The following SLC28A1 variants were observed in gnomAD, a reference collection of about 807,000 sequenced individuals.
SLC28A1 encodes sodium/nucleoside cotransporter 1.
A neutral mutation model predicts 74.8 loss-of-function variants in SLC28A1; 64 were observed. The observed-to-expected ratio is 0.86, with a 90% confidence interval of 0.70 to 1.05. The LOEUF (loss-of-function observed/expected upper bound fraction) is 1.05. Among genes scored for constraint, SLC28A1 ranks in the 50% least tolerant of loss-of-function variants. SLC28A1 has a pLI of 0.00. For synonymous variants in SLC28A1, 359 were observed against 335.0 expected (o/e 1.07, Z -0.78); for missense variants, 828 against 822.8 (o/e 1.01, Z -0.08).
intron 9 of SLC28A1, among the ~76,000 whole-genome samples, chr15:84,916,966 T>C (rs1969186179): frequency 7.2e-6 from 1 of 139,334 alleles, no homozygotes; most frequent in African/African-American, 2.6e-5. Flanking sequence ...AGGCGGAGGC[T>C]GTAGTGAGCC....
chr15:84,918,527 C>G lies in SLC28A1; in HGVS notation c.799C>G (p.Leu267Val). Reference sequence around the variant, plus strand: ...CCTATGATCTCCTTCCCGGCAGGTTCTGCCCATCATTGTCTTTTTCAGCTG... The same window carrying G: ...CCTATGATCTCCTTCCCGGCAGGTTGTGCCCATCATTGTCTTTTTCAGCTG... ...LVKDVFAFQV[L>V]PIIVFFSCVI... is the part of the protein sequence containing the mutation. The change falls in exon 10 of 19, where the codon CTG (leucine) becomes GTG (valine). Residue 267 changes from leucine (L) to valine (V), a missense_variant. Coordinates refer to ENST00000394573, the MANE Select transcript of SLC28A1 (RefSeq NM_004213.5). 1 of 1,613,500 alleles carries G rather than the reference C, an allele frequency of 6.2e-7. No individual in the cohort carries two copies. The highest frequency in any genetic ancestry group is 1.1e-5 in the South Asian group (1 of 91,074).
chr15:84,887,518 T>TA, intron 2 of SLC28A1: 1 of 984,858 alleles, frequency 1.0e-6, no homozygotes, highest in Non-Finnish European at 1.2e-6. Flanking sequence ...ACCCAGTCTC[T>TA]AGAAAAAGGA....
chr15:84,892,581 T>A (rs567495102), intron 5 of SLC28A1, among the ~76,000 whole-genome samples: 3 of 152,350 alleles, frequency 2.0e-5, no homozygotes, highest in African/African-American at 7.2e-5. Flanking sequence ...CATTGAATGA[T>A]CCCTTGCAAT....
At position 84,895,582 on chromosome 15, in the gene SLC28A1, TG is replaced by T. The variant is rs1965909286; in HGVS notation, c.461+460del. 4 of 1,521,956 alleles carry T rather than the reference TG, an allele frequency of 2.6e-6. No homozygotes were observed. The Admixed American group carries it at 8.1e-5, about 31-fold the overall frequency. 94.3% of individuals were successfully genotyped at this position (1,521,956 alleles called of 1,614,324 possible). On this transcript the variant is annotated intron_variant, in intron 6 of 18. Coordinates refer to ENST00000394573, the MANE Select transcript of SLC28A1 (RefSeq NM_004213.5). Reference sequence around the variant, plus strand: ...CCTTGGACAACAGTTTGAGATCTGCTGCTTTTCAAACTGGATTCCTTGGAGC... The same window carrying T: ...CCTTGGACAACAGTTTGAGATCTGCTCTTTTCAAACTGGATTCCTTGGAGC...
chr15:84,896,867 G>A (rs1418767800), intron 6 of SLC28A1, among the ~76,000 whole-genome samples: 1 of 152,126 alleles, frequency 6.6e-6, no homozygotes, highest in Non-Finnish European at 1.5e-5. Context: ...AAAGAAACCA[G>A]TCTTAAAGAA....
chr15:84,923,090 A>ACG lies in SLC28A1; in HGVS notation c.958-895_958-894insCG, dbSNP rs1970037586. Among the ~76,000 whole-genome samples the ACG allele has an allele frequency of 3.3e-5, 5 of 152,260 alleles. No homozygotes were observed. In the South Asian group the frequency reaches 8.3e-4, roughly 25 times the overall value. On this transcript the variant is annotated intron_variant, in intron 11 of 18. Coordinates refer to ENST00000394573, the MANE Select transcript of SLC28A1 (RefSeq NM_004213.5). Reference sequence around the variant, plus strand: ...GTAGCTGGGATTACTGACATGTGTCAGCATGCCCGGCTAATTTTTGTATTT... The same window carrying ACG: ...GTAGCTGGGATTACTGACATGTGTCACGGCATGCCCGGCTAATTTTTGTATTT...
chr15:84,951,575 C>A, the SLC28A1 span, among the ~76,000 whole-genome samples: 5 of 151,994 alleles, frequency 3.3e-5, no homozygotes, highest in South Asian at 1.0e-3. Context: ...CTTATATGAG[C>A]CTGCTAGTAG....
chr15:84,914,930 C>T (rs968956054), intron 9 of SLC28A1, among the ~76,000 whole-genome samples: 81 of 152,216 alleles, frequency 5.3e-4, no homozygotes, highest in Non-Finnish European at 2.6e-4. Flanking sequence ...TACCATTCTC[C>T]GTCTCACAGA....
chr15:84,927,986 C>T (rs962177252), intron 12 of SLC28A1, among the ~76,000 whole-genome samples: 8 of 152,226 alleles, frequency 5.3e-5, no homozygotes, highest in African/African-American at 1.2e-4. Flanking sequence ...CCTTAGACAA[C>T]GAAAAGAATA....
At chr15:84,943,573 T>C in intron 16 of SLC28A1, 47 bp downstream of exon 16, 1 of 1,448,098 alleles carries the variant, frequency 6.9e-7, no homozygotes, top group Non-Finnish European at 9.7e-7. Context: ...GTCTGGGACT[T>C]GAACTTGCTC....
At chr15:84,965,533 G>A in the SLC28A1 span, among the ~76,000 whole-genome samples, 36 of 152,140 alleles carry the variant, frequency 2.4e-4, no homozygotes, top group Admixed American at 2.4e-3. Context: ...TGGCCACCCA[G>A]AATAAAATCA....
At chr15:84,960,203 T>C in the SLC28A1 span, among the ~76,000 whole-genome samples, 13 of 143,304 alleles carry the variant, frequency 9.1e-5, no homozygotes, top group East Asian at 8.5e-4. Context: ...ATACAGAACA[T>C]TTTCCACTCC....
At chr15:84,963,725 A>G in the SLC28A1 span, among the ~76,000 whole-genome samples, 1 of 152,214 alleles carries the variant, frequency 6.6e-6, no homozygotes, top group Non-Finnish European at 1.5e-5. Flanking sequence ...CATGCAGAGC[A>G]AGTGGGTGGT....
chr15:84,937,441 G>A (rs1972065447), intron 15 of SLC28A1, among the ~76,000 whole-genome samples: 2 of 152,180 alleles, frequency 1.3e-5, no homozygotes, highest in African/African-American at 4.8e-5. Flanking sequence ...ACAGCATCGG[G>A]TAGCTTCTTT....
chr15:84,965,039 CCA>C, the SLC28A1 span, among the ~76,000 whole-genome samples: 17,073 of 152,094 alleles, frequency 0.11, 1,193 homozygotes, highest in Admixed American at 0.22. Flanking sequence ...GGCTGTGTCC[CCA>C]CACCCAAATC....
rs369273412 is a variant in SLC28A1, at chr15:84,945,245, C to T, written c.*45C>T. 12 of 1,566,700 alleles carry T rather than the reference C, an allele frequency of 7.7e-6. No homozygotes were observed. The African/African-American group carries it at 9.5e-5, about 12-fold the overall frequency. On this transcript the variant is annotated 3_prime_UTR_variant, in exon 19 of 19. Transcript: ENST00000394573. ...TTCTGCGCTTCTGAGGGCTGTTCTCCCCCGGGAACCATCTGTCCCCACCTT... is the reference window on the plus strand; with the variant it reads ...TTCTGCGCTTCTGAGGGCTGTTCTCTCCCGGGAACCATCTGTCCCCACCTT...
the SLC28A1 span, among the ~76,000 whole-genome samples, chr15:84,971,599 C>T: frequency 6.6e-6 from 1 of 152,118 alleles, no homozygotes; most frequent in Non-Finnish European, 1.5e-5. Flanking sequence ...GCTTCTTGTA[C>T]AGCCTGCAGA....
At chr15:84,939,999 C>T (rs571403634) in intron 15 of SLC28A1, among the ~76,000 whole-genome samples, 37 of 152,130 alleles carry the variant, frequency 2.4e-4, no homozygotes, top group Non-Finnish European at 4.4e-4. Flanking sequence ...AACTAACCTT[C>T]GCATTTTTTG....
At chr15:84,910,013 C>G (rs1325305432) in intron 9 of SLC28A1, among the ~76,000 whole-genome samples, 1 of 152,246 alleles carries the variant, frequency 6.6e-6, no homozygotes, top group Non-Finnish European at 1.5e-5. Flanking sequence ...TGAGTTCAGA[C>G]CCTCCTGCCT....
Sources: allele counts gnomAD v4.1 joint callset (sites outside exome capture counted in the v4.1 genomes callset), GRCh38; gene constraint gnomAD v4.1.1; transcripts MANE v1.5; gene names NCBI Gene and HGNC (gene_info 2026-07-23, HGNC 2026-07-21).